Variants in CRHR1 observed in about 807,000 individuals in gnomAD.
The protein encoded by CRHR1 is corticotropin-releasing hormone receptor 1.
A neutral mutation model predicts 56.0 loss-of-function variants in CRHR1; 28 were observed. The ratio of observed to expected loss-of-function variants is 0.50; its 90% CI spans 0.37 to 0.69. CRHR1 has a LOEUF of 0.69. CRHR1 is among the 30% of genes least tolerant of loss of function. The pLI is 0.00. For synonymous variants in CRHR1, 195 were observed against 216.5 expected, an observed-to-expected ratio of 0.90 and a Z score of 0.87; for missense variants, 376 against 548.0, an observed-to-expected ratio of 0.69 and a Z score of 3.13.
intron 4 of CRHR1, among the ~76,000 whole-genome samples, chr17:45,828,551 G>A (rs948423401): frequency 3.3e-5 from 5 of 152,200 alleles, no homozygotes; most frequent in Non-Finnish European, 4.4e-5. Flanking sequence ...AAATAAACCC[G>A]GGGAATGTGT....
chr17:45,829,723 G>C (rs139468449), intron 5 of CRHR1: 1 of 1,399,090 alleles, frequency 7.1e-7, no homozygotes, highest in Non-Finnish European at 9.9e-7. Context: ...ATCAGGAGCC[G>C]AGCATCAGGG....
At chr17:45,802,714 G>A (rs538712957) in intron 1 of CRHR1, among the ~76,000 whole-genome samples, 29 of 152,230 alleles carry the variant, frequency 1.9e-4, no homozygotes, top group African/African-American at 7.0e-4. Flanking sequence ...GAAAATGCCT[G>A]TGTGAACCAT....
At chr17:45,786,636 CTTTTTTTTTTTT>C (rs34895436) in intron 1 of CRHR1, among the ~76,000 whole-genome samples, 4 of 108,402 alleles carry the variant, frequency 3.7e-5, no homozygotes, top group African/African-American at 1.4e-4. Context: ...AGAAAATATC[CTTTTTTTTTTTT>C]TTTTTTTTCA....
At chr17:45,813,491 G>A (rs1166797134) in intron 2 of CRHR1, among the ~76,000 whole-genome samples, 1 of 152,268 alleles carries the variant, frequency 6.6e-6, no homozygotes, top group East Asian at 1.9e-4. Context: ...GGCTCTTAAT[G>A]TAAAGGTTGC....
At chr17:45,830,369 G>A in intron 6 of CRHR1, 48 bp from the exon 7 acceptor site, 1 of 1,583,560 alleles carries the variant, frequency 6.3e-7, no homozygotes, top group Non-Finnish European at 8.6e-7. Flanking sequence ...AGGGTTTGGT[G>A]CCTCCCCTGC....
intron 1 of CRHR1, among the ~76,000 whole-genome samples, chr17:45,805,339 G>T (rs1473681837): frequency 6.6e-6 from 1 of 152,106 alleles, no homozygotes; most frequent in Non-Finnish European, 1.5e-5. Context: ...ACCACGTGGA[G>T]TCCCGGCCCC....
chr17:45,817,428 G>A (rs1257474089), intron 3 of CRHR1, among the ~76,000 whole-genome samples: 1 of 152,196 alleles, frequency 6.6e-6, no homozygotes, highest in African/African-American at 2.4e-5. Context: ...GGGCACAGGG[G>A]TGAGCCCAGA....
chr17:45,816,980 C>T (rs1455322662), intron 3 of CRHR1, among the ~76,000 whole-genome samples: 2 of 152,158 alleles, frequency 1.3e-5, no homozygotes, highest in African/African-American at 4.8e-5. Flanking sequence ...CATCAGAGCC[C>T]CAGCTGTGTG....
chr17:45,788,951 G>A (rs1467704617), intron 1 of CRHR1, among the ~76,000 whole-genome samples: 1 of 152,186 alleles, frequency 6.6e-6, no homozygotes, highest in Non-Finnish European at 1.5e-5. Flanking sequence ...CACCCTAGCA[G>A]AAAAGCCATC....
At chr17:45,799,384 A>T (rs1028909235) in intron 1 of CRHR1, 1 of 152,248 alleles carries the variant, frequency 6.6e-6, no homozygotes, top group Non-Finnish European at 1.5e-5. Flanking sequence ...TTATTTCTGC[A>T]AACCAGATCC....
rs780030182 is a variant in CRHR1, at chr17:45,834,804, G to A, written c.*40G>A. 13 of 1,610,690 alleles carry A rather than the reference G, an allele frequency of 8.1e-6. No individual in the cohort carries two copies. Among genetic ancestry groups the A allele is most frequent in the Admixed American group, 3.3e-5 (2 of 59,954 alleles). On this transcript the variant is annotated 3_prime_UTR_variant, in exon 13 of 13. Coordinates refer to ENST00000314537, the MANE Select transcript of CRHR1 (RefSeq NM_004382.5). ...GAGCAGCCCCCAAAGAGCTGTGGCT[G>A]GGGGGATGACGGCCAGGCTCCCTGA... is the stretch of plus-strand genomic sequence containing the variant.
chr17:45,808,363 G>C (rs1256277331), intron 2 of CRHR1, among the ~76,000 whole-genome samples: 1 of 152,192 alleles, frequency 6.6e-6, no homozygotes, highest in Admixed American at 6.5e-5. Context: ...GGGGGCAGAG[G>C]AACAAGCCCT....
rs2061286848 is a variant in CRHR1, at chr17:45,784,352, G to C, written c.-193G>C. ...GGCGGCCAGACTTCCCCGGGAAGGG[G>C]CGAGCGAGAGCCGGGCCGGGCCGGG... On this transcript the variant is annotated 5_prime_UTR_variant, in exon 1 of 13. Coordinates refer to ENST00000314537, the MANE Select transcript of CRHR1 (RefSeq NM_004382.5). The surrounding 1 kb of genome is among the most constrained non-coding windows in gnomAD (Gnocchi z 4.2). 2 of 332,076 alleles carry C rather than the reference G, an allele frequency of 6.0e-6. No homozygotes were observed. The highest frequency in any genetic ancestry group is 1.0e-4 in the East Asian group (2 of 19,418). 20.6% of individuals were successfully genotyped at this position (332,076 alleles called of 1,614,324 possible).
intron 2 of CRHR1, among the ~76,000 whole-genome samples, chr17:45,814,721 A>G (rs900220377): frequency 1.3e-5 from 2 of 152,036 alleles, no homozygotes; most frequent in Admixed American, 1.3e-4. Flanking sequence ...GTTGCCTCGG[A>G]TGGCCCTGCT....
intron 6 of CRHR1, 29 bp from the exon 7 acceptor site, chr17:45,830,388 A>G: frequency 6.3e-7 from 1 of 1,591,920 alleles, no homozygotes; most frequent in Non-Finnish European, 8.6e-7. Context: ...GCCCCCCATC[A>G]TCATCTCTGG....
intron 1 of CRHR1, among the ~76,000 whole-genome samples, chr17:45,786,636 C>CCT (rs2061341110): frequency 9.2e-6 from 1 of 108,402 alleles, no homozygotes; most frequent in Non-Finnish European, 1.8e-5. Context: ...AGAAAATATC[C>CCT]TTTTTTTTTT....
chr17:45,829,783 G>T lies in CRHR1; in HGVS notation c.435-311G>T, dbSNP rs1282074807. The stretch of plus-strand genomic sequence containing the variant: ...CCCTGTGACTGTCCATCCTGGAATG[G>T]CAGGGAGTAGAAGGCACCCCCAGGG... On this transcript the variant is annotated intron_variant, in intron 5 of 12. Transcript: ENST00000314537. 83 of 972,678 alleles carry T rather than the reference G, an allele frequency of 8.5e-5. 1 individual carries two copies. The highest frequency in any genetic ancestry group is 1.2e-4 in the Non-Finnish European group (76 of 636,932). The allele number at this position is 972,678 out of a possible 1,614,324, so 60.3% of individuals were successfully genotyped here.
intron 1 of CRHR1, among the ~76,000 whole-genome samples, chr17:45,803,142 G>A (rs2061654328): frequency 6.6e-6 from 1 of 152,154 alleles, no homozygotes; most frequent in Non-Finnish European, 1.5e-5. Context: ...CAGGTGACCA[G>A]GGGTGGGGGG....
chr17:45,817,287 A>G (rs2061949106), intron 3 of CRHR1, among the ~76,000 whole-genome samples: 1 of 152,202 alleles, frequency 6.6e-6, no homozygotes, highest in Non-Finnish European at 1.5e-5. Context: ...GTCCCTGCTT[A>G]TCAAGAGAGC....
Sources: allele counts gnomAD v4.1 joint callset (sites outside exome capture counted in the v4.1 genomes callset), GRCh38; gene constraint gnomAD v4.1.1; non-coding constraint Gnocchi (gnomAD v3.1); transcripts MANE v1.5; gene names NCBI Gene and HGNC (gene_info 2026-07-23, HGNC 2026-07-21).